KCNJ3: variants seen among roughly 807,000 people sequenced by gnomAD.
KCNJ3 encodes the protein potassium inwardly rectifying channel subfamily J member 3, also known as G protein-activated inward rectifier potassium channel 1.
In KCNJ3, 4 loss-of-function variants were observed where a neutral mutation model predicts 39.2. That is an observed-to-expected ratio of 0.10 (90% CI 0.05 to 0.23). The LOEUF is 0.23. Among genes scored for constraint, KCNJ3 ranks in the 10% least tolerant of loss-of-function variants. KCNJ3 has a pLI of 1.00. For synonymous variants in KCNJ3, 230 were observed against 237.4 expected, an observed-to-expected ratio of 0.97 and a Z score of 0.29; for missense variants, 276 against 634.9, an observed-to-expected ratio of 0.43 and a Z score of 6.08.
intron 2 of KCNJ3, among the ~76,000 whole-genome samples, chr2:154,752,100 A>C (rs1417241889): frequency 6.6e-6 from 1 of 152,092 alleles, no homozygotes; most frequent in Non-Finnish European, 1.5e-5. Context: ...TTTTCATTAC[A>C]AAGTAATTTC....
At chr2:154,818,425 C>CCAT (rs1456151287) in intron 2 of KCNJ3, among the ~76,000 whole-genome samples, 1 of 152,146 alleles carries the variant, frequency 6.6e-6, no homozygotes, top group Admixed American at 6.5e-5. Context: ...ATCTACTTCT[C>CCAT]CATCTGGAGA....
Position 154,858,086 on chromosome 2 carries a change from G to A in KCNJ3, c.*2773G>A, listed in dbSNP as rs1310392932. The A allele has an allele frequency of 1.3e-5, 2 of 151,920 alleles. No individual in the cohort carries two copies. Among genetic ancestry groups the A allele is most frequent in the Non-Finnish European group, 2.9e-5 (2 of 67,962 alleles). 9.4% of individuals were successfully genotyped at this position (151,920 alleles called of 1,614,324 possible). A position where few individuals can be genotyped will look rare whatever the true frequency, so the allele number is the denominator to read the frequency against. On this transcript the variant is annotated 3_prime_UTR_variant, in exon 3 of 3. Coordinates refer to ENST00000295101, the MANE Select transcript of KCNJ3 (RefSeq NM_002239.4). ...CAAAATTACCTTATCTGAGTGAATGGTATTTTTTTTATCTTTTCCACACAT... is the reference window on the plus strand; with the variant it reads ...CAAAATTACCTTATCTGAGTGAATGATATTTTTTTTATCTTTTCCACACAT...
At position 154,772,140 on chromosome 2, in the gene KCNJ3, C is replaced by G. The variant is rs368472935; in HGVS notation, c.919+62321C>G. ...GATGACTGACTGGCTTGAGTGAAGC[C>G]GTAAAACAACATTGACACAAACTAA... is the stretch of plus-strand genomic sequence containing the variant. On this transcript the variant is annotated intron_variant, in intron 2 of 2. Transcript: ENST00000295101. Among the ~76,000 whole-genome samples the G allele has an allele frequency of 2.0e-5, 3 of 152,034 alleles. No homozygotes were observed. The East Asian group carries it at 5.8e-4, about 29-fold the overall frequency.
intron 2 of KCNJ3, among the ~76,000 whole-genome samples, chr2:154,797,279 C>G (rs537770348): frequency 6.6e-6 from 1 of 152,156 alleles, no homozygotes; most frequent in South Asian, 2.1e-4. Flanking sequence ...TTGTGTTTCA[C>G]AAAAGTTGAT....
intron 2 of KCNJ3, among the ~76,000 whole-genome samples, chr2:154,757,501 A>G (rs1574450233): frequency 6.6e-6 from 1 of 151,992 alleles, no homozygotes; most frequent in African/African-American, 2.4e-5. Context: ...CATTCTATAT[A>G]TTGCATATTT....
intron 2 of KCNJ3, among the ~76,000 whole-genome samples, chr2:154,805,827 A>T (rs550853126): frequency 6.6e-6 from 1 of 152,282 alleles, no homozygotes; most frequent in Non-Finnish European, 1.5e-5. Flanking sequence ...ATTTAAAAAA[A>T]TTATATTTAG....
At chr2:154,821,697 A>G (rs931001505) in intron 2 of KCNJ3, among the ~76,000 whole-genome samples, 1 of 118,590 alleles carries the variant, frequency 8.4e-6, no homozygotes, top group Non-Finnish European at 1.6e-5. Flanking sequence ...GCTAGAGTTT[A>G]GTGGTGCGAT....
intron 2 of KCNJ3, among the ~76,000 whole-genome samples, chr2:154,788,638 G>A (rs1686575725): frequency 6.6e-6 from 1 of 151,934 alleles, no homozygotes. Context: ...ACTTGTTATT[G>A]ACATATGTTT....
intron 2 of KCNJ3, among the ~76,000 whole-genome samples, chr2:154,769,097 G>T (rs1264379610): frequency 6.6e-6 from 1 of 152,156 alleles, no homozygotes; most frequent in Non-Finnish European, 1.5e-5. Flanking sequence ...CTGAGACAAT[G>T]GGTTTTTTTA....
chr2:154,744,544 A>AT (rs1685705228), intron 2 of KCNJ3, among the ~76,000 whole-genome samples: 1 of 151,678 alleles, frequency 6.6e-6, no homozygotes, highest in Non-Finnish European at 1.5e-5. Context: ...TTCATATTGT[A>AT]TTTTGGTAGT....
intron 2 of KCNJ3, among the ~76,000 whole-genome samples, chr2:154,770,579 A>G (rs1052438833): frequency 6.6e-6 from 1 of 151,922 alleles, no homozygotes; most frequent in Non-Finnish European, 1.5e-5. Flanking sequence ...TCCTCAGTCT[A>G]TTTCATTTAT....
chr2:154,737,637 C>T (rs1685571244), intron 2 of KCNJ3, among the ~76,000 whole-genome samples: 1 of 152,092 alleles, frequency 6.6e-6, no homozygotes, highest in African/African-American at 2.4e-5. Flanking sequence ...AACCAAGCTT[C>T]TAGACATGAA....
At chr2:154,724,069 A>G (rs1322461178) in intron 2 of KCNJ3, among the ~76,000 whole-genome samples, 1 of 152,174 alleles carries the variant, frequency 6.6e-6, no homozygotes, top group Non-Finnish European at 1.5e-5. Flanking sequence ...GAATTCTTTA[A>G]TAAAGAAAAG....
At chr2:154,822,298 A>T (rs1398621010) in intron 2 of KCNJ3, among the ~76,000 whole-genome samples, 1 of 152,214 alleles carries the variant, frequency 6.6e-6, no homozygotes, top group East Asian at 1.9e-4. Context: ...AATCTACAGT[A>T]CTAAAATTCA....
At chr2:154,743,034 AT>A (rs1399896915) in intron 2 of KCNJ3, among the ~76,000 whole-genome samples, 2 of 151,784 alleles carry the variant, frequency 1.3e-5, no homozygotes, top group East Asian at 3.9e-4. Flanking sequence ...CATTTTGATT[AT>A]TTTTTGTGTA....
intron 2 of KCNJ3, among the ~76,000 whole-genome samples, chr2:154,747,819 T>C (rs1410246008): frequency 6.6e-6 from 1 of 152,052 alleles, no homozygotes; most frequent in East Asian, 1.9e-4. Context: ...GTATGGCTCC[T>C]GGGAGCTGAA....
At position 154,820,735 on chromosome 2, in the gene KCNJ3, G is replaced by A. The variant is rs146084822; in HGVS notation, c.920-33992G>A. Among the ~76,000 whole-genome samples the A allele has an allele frequency of 3.0e-4, 45 of 152,168 alleles. No individual in the cohort carries two copies. In the East Asian group the frequency reaches 8.5e-3, roughly 29 times the overall value. ...CAGTATCCATTGATAATCATTGCAT[G>A]AATCACTTATTTCATTTGAGGTTGC... On this transcript the variant is annotated intron_variant, in intron 2 of 2. Transcript: ENST00000295101.
Position 154,699,495 on chromosome 2 carries a change from C to G in KCNJ3, c.702+18C>G. The G allele has an allele frequency of 6.4e-7, 1 of 1,551,462 alleles. No homozygotes were observed. Among genetic ancestry groups the G allele is most frequent in the Non-Finnish European group, 8.7e-7 (1 of 1,153,624 alleles). ...TGCTCAAAGTAAGTGCTCCCCGCCC[C>G]TTCCCCACCGGGAGACCTGCGTCCC... On this transcript the variant is annotated intron_variant, in intron 1 of 2. Coordinates refer to ENST00000295101, the MANE Select transcript of KCNJ3 (RefSeq NM_002239.4). This position sits in a 1 kb window ranked among gnomAD's most constrained non-coding sequence, Gnocchi z 6.4.
At chr2:154,808,648 G>A (rs1440224341) in intron 2 of KCNJ3, among the ~76,000 whole-genome samples, 2 of 152,052 alleles carry the variant, frequency 1.3e-5, no homozygotes, top group Admixed American at 1.3e-4. Flanking sequence ...GCAAAAAATT[G>A]CATCATGACC....
Sources: allele counts gnomAD v4.1 joint callset (sites outside exome capture counted in the v4.1 genomes callset), GRCh38; gene constraint gnomAD v4.1.1; non-coding constraint Gnocchi (gnomAD v3.1); transcripts MANE v1.5; gene names NCBI Gene and HGNC (gene_info 2026-07-23, HGNC 2026-07-21).